The following ZNF568 variants were observed in gnomAD, a reference collection of about 807,000 sequenced individuals.
ZNF568 encodes the protein p53 inhibitor of SCO2 activation.
In ZNF568, 11 loss-of-function variants were observed where a neutral mutation model predicts 18.1. The observed-to-expected ratio is 0.61, with a 90% CI of 0.38 to 1.00. The LOEUF is 1.00. Ranked by LOEUF, ZNF568 falls within the 50% of genes least tolerant of loss-of-function variation. The pLI, the probability that ZNF568 is intolerant of heterozygous loss-of-function variation, is 0.01. For synonymous variants in ZNF568, 213 were observed against 246.6 expected, an observed-to-expected ratio of 0.86 and a Z score of 1.28; for missense variants, 639 against 768.2, an observed-to-expected ratio of 0.83 and a Z score of 1.99.
intron 2 of ZNF568, among the ~76,000 whole-genome samples, chr19:36,988,677 G>C (rs2074397393): frequency 6.6e-6 from 1 of 152,136 alleles, no homozygotes; most frequent in African/African-American, 2.4e-5. Context: ...ATCCACATGA[G>C]ACTTGAGTGG....
At chr19:36,996,247 C>T in intron 4 of ZNF568, 5 of 1,167,718 alleles carry the variant, frequency 4.3e-6, no homozygotes, top group Non-Finnish European at 4.6e-6. Context: ...TTTGTCATTT[C>T]TACTTTCAGG....
In ZNF568 at chr19:36,945,249, G is replaced by GTGTGTGTA. The variant is rs1211748821; in HGVS notation, c.359-4260_359-4259insGTGTATGT. 4.2e-4 allele frequency among the ~76,000 whole-genome samples: 57 copies of GTGTGTGTA among 136,396 alleles called. 1 individual carries two copies. Among genetic ancestry groups the GTGTGTGTA allele is most frequent in the Non-Finnish European group, 1.7e-4 (10 of 60,374 alleles). 89.5% of individuals were successfully genotyped at this position (136,396 alleles called of 152,430 possible). Reference sequence around the variant, plus strand: ...TGTGTGTGTGTGTGTGTGTGTGTGTGTGTATAAAATATATATTAAAAATAC... The same window carrying GTGTGTGTA: ...TGTGTGTGTGTGTGTGTGTGTGTGTGTGTGTGTATGTATAAAATATATATTAAAAATAC... On this transcript the variant is annotated intron_variant, in intron 6 of 6. Coordinates refer to ENST00000333987, the MANE Select transcript of ZNF568 (RefSeq NM_198539.4).
At chr19:36,962,316 A>AC (rs2074160543) in intron 6 of ZNF568, among the ~76,000 whole-genome samples, 1 of 66,512 alleles carries the variant, frequency 1.5e-5, no homozygotes, top group Non-Finnish European at 3.0e-5. Flanking sequence ...CAGGTTTAAG[A>AC]CCCCCTTGAG....
chr19:36,971,407 C>T (rs1169460017), intron 6 of ZNF568, among the ~76,000 whole-genome samples: 1 of 151,442 alleles, frequency 6.6e-6, no homozygotes, highest in Non-Finnish European at 1.5e-5. Context: ...ACTAGAAATA[C>T]TTAAGAATTT....
At chr19:36,978,745 C>T (rs1160457532) in intron 7 of ZNF568, among the ~76,000 whole-genome samples, 1 of 152,176 alleles carries the variant, frequency 6.6e-6, no homozygotes, top group African/African-American at 2.4e-5. Flanking sequence ...TCTGCTCTCT[C>T]TCTGACTTTA....
chr19:36,989,062 T>C (rs992693974), intron 2 of ZNF568, among the ~76,000 whole-genome samples: 2 of 152,194 alleles, frequency 1.3e-5, no homozygotes, highest in African/African-American at 4.8e-5. Flanking sequence ...TTCTTTTTGC[T>C]TTAGAAGATT....
chr19:36,986,344 T>C (rs1307799991), intron 2 of ZNF568, among the ~76,000 whole-genome samples: 1 of 152,082 alleles, frequency 6.6e-6, no homozygotes, highest in Non-Finnish European at 1.5e-5. Flanking sequence ...ATAGGCTTGA[T>C]CTTCTCTCCA....
chr19:36,979,372 G>A (rs1306830678), exon 8 of ZNF568: 1 of 152,326 alleles, frequency 6.6e-6, no homozygotes, highest in African/African-American at 2.4e-5. Context: ...CCCATGTTAA[G>A]AGGTAGAATG....
exon 5 of ZNF568, chr19:36,996,578 A>G: frequency 6.5e-7 from 1 of 1,536,132 alleles, no homozygotes; most frequent in Non-Finnish European, 8.7e-7. Context: ...GCTTTTAGGT[A>G]CCAGTCATGT....
At chr19:36,961,902 T>TC (rs35081704) in intron 6 of ZNF568, among the ~76,000 whole-genome samples, 83,646 of 144,512 alleles carry the variant, frequency 0.58, 25,479 homozygotes, top group African/African-American at 0.74. Flanking sequence ...TTTTGAGACT[T>TC]CTGGGCTCAA....
chr19:36,997,423 CT>C (rs548615062), downstream of ZNF568: 228 of 1,584,720 alleles, frequency 1.4e-4, 1 homozygote, highest in Middle Eastern at 1.8e-3. Flanking sequence ...TAGCACAGAA[CT>C]TGTTCGACAT....
chr19:36,997,687 C>A, downstream of ZNF568: 2 of 983,988 alleles, frequency 2.0e-6, no homozygotes, highest in Non-Finnish European at 3.1e-6. Context: ...TAGTCAACAT[C>A]AAAGAATTCA....
intron 6 of ZNF568, among the ~76,000 whole-genome samples, chr19:36,971,503 GA>G (rs2146331763): frequency 6.6e-6 from 1 of 151,972 alleles, no homozygotes; most frequent in South Asian, 2.1e-4. Context: ...TAACTGAAAA[GA>G]AAAAAAGTCA....
At chr19:36,952,946 G>A (rs1420646719), downstream of ZNF568, among the ~76,000 whole-genome samples, 1 of 152,152 alleles carries the variant, frequency 6.6e-6, no homozygotes, top group African/African-American at 2.4e-5. Flanking sequence ...GCAACTTGAT[G>A]ATGCTGTGTT....
downstream of ZNF568, among the ~76,000 whole-genome samples, chr19:36,956,638 C>G (rs1165563729): frequency 6.6e-6 from 1 of 151,686 alleles, no homozygotes; most frequent in Non-Finnish European, 1.5e-5. Context: ...CACTCTGCTG[C>G]CCAGGCTGGA....
rs77831228 is a variant in ZNF568 at position 36,996,670 on chromosome 19, G to A, written c.583G>A (p.Asp195Asn). The A allele has an allele frequency of 3.9e-3, 6,038 of 1,535,556 alleles. 23 individuals are homozygous for A. The highest frequency in any genetic ancestry group is 4.8e-3 in the Non-Finnish European group (5,555 of 1,146,780). Residue 195 changes from aspartate (D) to asparagine (N), a missense_variant, in exon 5 of 5, where the codon GAC becomes AAC. Transcript: ENST00000433993. ...TAGGAAAATCTTTAATAGTGGATCAGACTTGATTAAGCATCAGACGCTTCA... is the reference window on the plus strand; with the variant it reads ...TAGGAAAATCTTTAATAGTGGATCAAACTTGATTAAGCATCAGACGCTTCA...
downstream of ZNF568, among the ~76,000 whole-genome samples, chr19:36,953,928 A>G (rs550901529): frequency 6.6e-6 from 1 of 151,064 alleles, no homozygotes; most frequent in South Asian, 2.1e-4. Flanking sequence ...TAAAAAATAA[A>G]TAAAAAGGAG....
At chr19:36,964,781 C>G (rs1483036256) in intron 6 of ZNF568, among the ~76,000 whole-genome samples, 1 of 152,088 alleles carries the variant, frequency 6.6e-6, no homozygotes, top group Non-Finnish European at 1.5e-5. Context: ...CCACTCCAGC[C>G]TTGGCAACAG....
Position 36,949,812 on chromosome 19 carries a change from C to A in ZNF568, c.659C>A (p.Thr220Asn), listed in dbSNP as rs371176333. ...PFYHCASYVV[T>N]PFKCNQCGQD... is the part of the protein sequence containing the mutation. ...TACCATTGTGCATCCTATGTTGTAA[C>A]CCCCTTTAAGTGTAATCAGTGTGGA... The change falls in exon 7 of 7, where the codon ACC becomes AAC. Residue 220 changes from threonine (T) to asparagine (N), a missense_variant. Coordinates refer to ENST00000333987, the MANE Select transcript of ZNF568 (RefSeq NM_198539.4). 6.2e-7 allele frequency: 1 copy of A among 1,613,908 alleles called. No individual in the cohort carries two copies. Among genetic ancestry groups the A allele is most frequent in the Non-Finnish European group, 8.5e-7 (1 of 1,179,922 alleles).
Sources: allele counts gnomAD v4.1 joint callset (sites outside exome capture counted in the v4.1 genomes callset), GRCh38; gene constraint gnomAD v4.1.1; transcripts MANE v1.5; gene names NCBI Gene and HGNC (gene_info 2026-07-23, HGNC 2026-07-21).